The following MACF1 variants were observed in gnomAD, a reference collection of about 807,000 sequenced individuals.
MACF1 encodes the protein microtubule-actin cross-linking factor 1.
MACF1 carries 193 observed loss-of-function variants against 854.8 expected under a neutral mutation model. The ratio of observed to expected loss-of-function variants is 0.23; its 90% CI spans 0.20 to 0.25. MACF1 has a LOEUF of 0.25. Ranked by LOEUF, MACF1 falls within the 10% of genes least tolerant of loss-of-function variation. The pLI, the probability that MACF1 is intolerant of heterozygous loss-of-function variation, is 1.00. For synonymous variants in MACF1, 3,185 were observed against 3,226.7 expected (o/e 0.99, Z 0.44); for missense variants, 7,722 against 8,929.1 (o/e 0.86, Z 5.45).
At chr1:39,157,499 T>G (rs904816823) in intron 2 of MACF1, among the ~76,000 whole-genome samples, 9 of 152,222 alleles carry the variant, frequency 5.9e-5, no homozygotes, top group Non-Finnish European at 8.8e-5. Flanking sequence ...CAAATCTTGG[T>G]GGCAGTGTGG....
At chr1:39,349,440 T>C in intron 41 of MACF1, 38 bp from the exon 42 acceptor site, 3 of 1,564,034 alleles carry the variant, frequency 1.9e-6, no homozygotes, top group Non-Finnish European at 2.6e-6. Flanking sequence ...AAAATGTGAA[T>C]TACGAAATGT....
chr1:39,286,560 G>C (rs770254138), intron 14 of MACF1, among the ~76,000 whole-genome samples: 11 of 151,430 alleles, frequency 7.3e-5, no homozygotes, highest in Non-Finnish European at 1.5e-4. Flanking sequence ...TCTGCCTCCT[G>C]GGTCCAAGAA....
chr1:39,387,275 T>C lies in MACF1; in HGVS notation c.14433T>C (p.Asp4811=). Residue 4811 remains aspartate (D), a synonymous_variant, in exon 58 of 101, where the codon GAT becomes GAC. Transcript: ENST00000564288. ...MFDELRTWLD[D]KQSQQAKNCP... is the part of the protein sequence containing the mutation. ...ATGAGTTGAGGACCTGGTTGGATGA[T>C]AAACAAAGCCAGCAAGCAAAAAACT... 6.2e-7 allele frequency: 1 copy of C among 1,614,182 alleles called. No individual in the cohort carries two copies. The highest frequency in any genetic ancestry group is 8.5e-7 in the Non-Finnish European group (1 of 1,180,036).
chr1:39,273,334 G>C (rs1645366769), intron 6 of MACF1, among the ~76,000 whole-genome samples: 1 of 151,104 alleles, frequency 6.6e-6, no homozygotes, highest in South Asian at 2.1e-4. Flanking sequence ...ACAACCCTTC[G>C]AGTCTCTACA....
At chr1:39,414,635 A>G in intron 58 of MACF1, 5 of 1,138,440 alleles carry the variant, frequency 4.4e-6, no homozygotes, top group Non-Finnish European at 4.9e-6. Flanking sequence ...TTTTGGGGAA[A>G]ATATACTTTA....
intron 2 of MACF1, among the ~76,000 whole-genome samples, chr1:39,109,941 T>C (rs1471174263): frequency 1.3e-5 from 2 of 152,228 alleles, no homozygotes; most frequent in Non-Finnish European, 2.9e-5. Flanking sequence ...TCCAGATCTC[T>C]GAACTGTGGA....
Position 39,350,412 on chromosome 1 carries a change from C to T in MACF1, c.10966-373C>T, listed in dbSNP as rs748769637. Among the ~76,000 whole-genome samples, 6 of 152,050 alleles carry T rather than the reference C, an allele frequency of 3.9e-5. No homozygotes were observed. The East Asian group carries it at 5.8e-4, about 15-fold the overall frequency. On this transcript the variant is annotated intron_variant, in intron 42 of 100. Transcript: ENST00000564288. ...GTGGGACCTGTATCACACTGGACCC[C>T]GCAGGCCACATTAAGGATAAGGAGT...
intron 1 of MACF1, among the ~76,000 whole-genome samples, chr1:39,207,872 A>G (rs1407105692): frequency 6.6e-6 from 1 of 151,918 alleles, no homozygotes; most frequent in Non-Finnish European, 1.5e-5. Flanking sequence ...GGTGGCTCAC[A>G]CCTGTAATTC....
chr1:39,458,982 A>T, intron 90 of MACF1, 104 bp from the exon 91 acceptor site: 1 of 1,028,404 alleles, frequency 9.7e-7, no homozygotes, highest in Non-Finnish European at 1.4e-6. Flanking sequence ...TTTCTCAGTT[A>T]TTGACTGGAT....
intron 58 of MACF1, among the ~76,000 whole-genome samples, chr1:39,390,878 C>T (rs1036426851): frequency 2.0e-5 from 3 of 152,024 alleles, no homozygotes; most frequent in Non-Finnish European, 4.4e-5. Context: ...GAGGCCGAGG[C>T]GGGTGGATCA....
At chr1:39,138,543 C>T (rs1643242851) in intron 2 of MACF1, among the ~76,000 whole-genome samples, 1 of 150,640 alleles carries the variant, frequency 6.6e-6, no homozygotes, top group Admixed American at 6.6e-5. Flanking sequence ...AGAGATCGCG[C>T]CACTGCACTC....
At chr1:39,414,220 C>T (rs1643181514) in intron 58 of MACF1, 1 of 1,613,848 alleles carries the variant, frequency 6.2e-7, no homozygotes, top group Non-Finnish European at 8.5e-7. Context: ...CCCAGAGGTG[C>T]CTGCCATCCC....
At chr1:39,461,433 GTC>G (rs1644551360) in intron 92 of MACF1, among the ~76,000 whole-genome samples, 1 of 152,076 alleles carries the variant, frequency 6.6e-6, no homozygotes, top group African/African-American at 2.4e-5. Context: ...GGGTAGGGGA[GTC>G]TATAAGTGGA....
Position 39,333,331 on chromosome 1 carries a change from A to G in MACF1, c.6743A>G (p.Asn2248Ser). ...DDHKESQEAQ[N>S]IAGGSMMMSE... ...CATAAAGAAAGTCAAGAAGCACAGA[A>G]CATCGCAGGTGGTAGTATGATGATG... Residue 2248 changes from asparagine (N) to serine (S), a missense_variant, in exon 37 of 101, where the codon AAC becomes AGC. Asn to Ser is a conservative substitution (Grantham distance 46). Coordinates refer to ENST00000564288, the MANE Select transcript of MACF1 (RefSeq NM_001394062.1). 1 of 1,614,130 alleles carries G rather than the reference A, an allele frequency of 6.2e-7. No homozygotes were observed.
In MACF1 at chr1:39,485,535, C is replaced by T; in HGVS notation, c.22412-3C>T. 4 of 1,609,132 alleles carry T rather than the reference C, an allele frequency of 2.5e-6. No homozygotes were observed. Among genetic ancestry groups the T allele is most frequent in the Non-Finnish European group, 3.4e-6 (4 of 1,177,670 alleles). On this transcript the variant is annotated splice_region_variant and splice_polypyrimidine_tract_variant and intron_variant, in intron 100 of 100. Coordinates refer to ENST00000564288, the MANE Select transcript of MACF1 (RefSeq NM_001394062.1). ...AGTCTGCTGTTTTATTCTTGAATTC[C>T]AGACCCTAAAAAGTCTGCCAGTCGC...
intron 51 of MACF1, among the ~76,000 whole-genome samples, chr1:39,370,414 A>G (rs939439136): frequency 6.6e-6 from 1 of 152,228 alleles, no homozygotes; most frequent in Non-Finnish European, 1.5e-5. Context: ...TATTTGAGCA[A>G]GTAACCAGAT....
chr1:39,242,418 G>A (rs1387184702), intron 2 of MACF1, among the ~76,000 whole-genome samples: 1 of 151,042 alleles, frequency 6.6e-6, no homozygotes, highest in East Asian at 1.9e-4. Flanking sequence ...GGGGAGGATT[G>A]GACTTGGTCT....
At position 39,392,536 on chromosome 1, in the gene MACF1, A is replaced by G. The variant is rs184389194; in HGVS notation, c.15816+3878A>G. Reference sequence around the variant, plus strand: ...TTTCAGCTCTTTTTTTAATGGAATCATACTTTTAGCACAGAATCTGCACAA... The same window carrying G: ...TTTCAGCTCTTTTTTTAATGGAATCGTACTTTTAGCACAGAATCTGCACAA... On this transcript the variant is annotated intron_variant, in intron 58 of 100. Transcript: ENST00000564288. Among the ~76,000 whole-genome samples the G allele has an allele frequency of 1.6e-3, 243 of 152,324 alleles. 3 individuals carry two copies. The highest frequency in any genetic ancestry group is 2.5e-4 in the Non-Finnish European group (17 of 68,036).
At chr1:39,354,840 G>T (rs1161942453) in intron 44 of MACF1, among the ~76,000 whole-genome samples, 1 of 152,170 alleles carries the variant, frequency 6.6e-6, no homozygotes, top group Non-Finnish European at 1.5e-5. Context: ...AAAAGCAGAA[G>T]TCACTTCTTA....
Sources: gnomAD v4.1 joint callset for allele counts (sites outside exome capture counted in the v4.1 genomes callset) on GRCh38, gnomAD v4.1.1 for gene constraint, MANE v1.5 for transcripts, NCBI Gene and HGNC (gene_info 2026-07-23, HGNC 2026-07-21) for gene names.